The following PAX5 variants were observed in gnomAD, a reference collection of about 807,000 sequenced individuals.
PAX5 encodes paired box protein Pax-5.
PAX5 carries 9 observed loss-of-function variants against 43.7 expected under a neutral mutation model. That is an observed-to-expected ratio of 0.21 (90% CI 0.12 to 0.36). PAX5 has a LOEUF of 0.36. Among genes scored for constraint, PAX5 ranks in the 10% least tolerant of loss-of-function variants. The pLI is 1.00. For synonymous variants in PAX5, 228 were observed against 214.3 expected, an observed-to-expected ratio of 1.06 and a Z score of -0.56; for missense variants, 383 against 532.7, an observed-to-expected ratio of 0.72 and a Z score of 2.77.
At chr9:36,857,508 C>G (rs1823792434) in intron 8 of PAX5, among the ~76,000 whole-genome samples, 1 of 152,164 alleles carries the variant, frequency 6.6e-6, no homozygotes, top group African/African-American at 2.4e-5. Context: ...CGGGTGCCAG[C>G]AAAAGGCAAG....
At chr9:36,938,961 G>A (rs965627354) in intron 6 of PAX5, among the ~76,000 whole-genome samples, 6 of 152,144 alleles carry the variant, frequency 3.9e-5, no homozygotes, top group South Asian at 2.1e-4. Flanking sequence ...AGAAGGAAGC[G>A]GATGATCCAT....
chr9:36,942,318 G>C (rs986775176), intron 6 of PAX5, among the ~76,000 whole-genome samples: 2 of 152,240 alleles, frequency 1.3e-5, no homozygotes, highest in African/African-American at 4.8e-5. Context: ...CAGAGCCCAG[G>C]TCTCAGGAAA....
intron 3 of PAX5, among the ~76,000 whole-genome samples, chr9:37,012,758 G>A (rs1839056147): frequency 6.6e-6 from 1 of 152,178 alleles, no homozygotes; most frequent in South Asian, 2.1e-4. Flanking sequence ...AGGTGGGAGT[G>A]TTGAGGGGGA....
At chr9:36,924,671 G>A (rs1052222181) in intron 6 of PAX5, among the ~76,000 whole-genome samples, 10 of 147,622 alleles carry the variant, frequency 6.8e-5, no homozygotes, top group Admixed American at 2.1e-4. Flanking sequence ...AGTGAGCCAT[G>A]ATCATGCCAC....
rs1358188296 is a variant in PAX5 at position 36,836,955 on chromosome 9, T to C, written c.*3605A>G. The stretch of plus-strand genomic sequence containing the variant: ...CTGGATGAAACCTCAGAAGCACTGT[T>C]GTGGATTTGGTCAAAGACTCCGCAG... On this transcript the variant is annotated 3_prime_UTR_variant, in exon 10 of 10. Transcript: ENST00000358127. The C allele has an allele frequency of 8.6e-6, 2 of 232,378 alleles. No homozygotes were observed. The highest frequency in any genetic ancestry group is 1.7e-5 in the Non-Finnish European group (2 of 117,578). 14.4% of individuals were successfully genotyped at this position (232,378 alleles called of 1,614,324 possible). A position where few individuals can be genotyped will look rare whatever the true frequency, so the allele number is the denominator to read the frequency against.
intron 6 of PAX5, among the ~76,000 whole-genome samples, chr9:36,928,219 A>G (rs1017757996): frequency 6.6e-6 from 1 of 151,910 alleles, no homozygotes; most frequent in Non-Finnish European, 1.5e-5. Flanking sequence ...ATTCTCCCCA[A>G]TCTCTTGGGT....
rs368248328 is a variant in PAX5 at position 36,837,008 on chromosome 9, G to A, written c.*3552C>T. The A allele has an allele frequency of 1.9e-4, 44 of 232,620 alleles. No individual in the cohort carries two copies. The highest frequency in any genetic ancestry group is 1.3e-3 in the Middle Eastern group (1 of 788). 14.4% of individuals were successfully genotyped at this position (232,620 alleles called of 1,614,324 possible). ...TTCAATGTTCTTAGGAAACAAAGCC[G>A]CCAACCTGCAGGCCCCTAGGTCAGG... On this transcript the variant is annotated 3_prime_UTR_variant, in exon 10 of 10. Transcript: ENST00000358127.
chr9:36,951,832 C>T (rs912997425), intron 6 of PAX5, among the ~76,000 whole-genome samples: 1 of 152,172 alleles, frequency 6.6e-6, no homozygotes, highest in African/African-American at 2.4e-5. Flanking sequence ...CTGGTTTGCA[C>T]ATTATGCATT....
chr9:36,874,766 G>A (rs1825773111), intron 8 of PAX5, among the ~76,000 whole-genome samples: 1 of 152,166 alleles, frequency 6.6e-6, no homozygotes, highest in Admixed American at 6.5e-5. Context: ...GGCTCCAGGA[G>A]GTATGAGCTC....
chr9:36,907,713 CAG>C (rs944014911), intron 7 of PAX5, among the ~76,000 whole-genome samples: 9 of 152,146 alleles, frequency 5.9e-5, no homozygotes, highest in African/African-American at 2.2e-4. Flanking sequence ...AACAACAATG[CAG>C]AGAGTTTGAA....
In PAX5 at chr9:36,950,569, C is replaced by T. The variant is rs553949472; in HGVS notation, c.780+15980G>A. On this transcript the variant is annotated intron_variant, in intron 6 of 9. Transcript: ENST00000358127. ...CAGCCCAATCCACATTTAGGCAGCT[C>T]GCCTGCTTGGAAGGTTTCCTTCAAC... 5.9e-5 allele frequency among the ~76,000 whole-genome samples: 9 copies of T among 152,208 alleles called. No homozygotes were observed. In the South Asian group the frequency reaches 1.9e-3, roughly 32 times the overall value.
At chr9:37,006,249 G>A (rs1490102523) in intron 4 of PAX5, among the ~76,000 whole-genome samples, 1 of 151,998 alleles carries the variant, frequency 6.6e-6, no homozygotes, top group Non-Finnish European at 1.5e-5. Flanking sequence ...CTGTCTCATG[G>A]TGAAAGCTAT....
intron 6 of PAX5, among the ~76,000 whole-genome samples, chr9:36,940,487 C>T (rs780174362): frequency 4.6e-5 from 7 of 152,120 alleles, no homozygotes; most frequent in South Asian, 4.1e-4. Context: ...AGACGTGTGG[C>T]GCAGTGAGGC....
intron 7 of PAX5, among the ~76,000 whole-genome samples, chr9:36,904,105 G>T (rs1472649049): frequency 6.6e-6 from 1 of 152,206 alleles, no homozygotes; most frequent in Non-Finnish European, 1.5e-5. Context: ...ACAAAGGGTT[G>T]TTATGCAGAT....
At chr9:36,955,663 T>C (rs1833379334) in intron 6 of PAX5, among the ~76,000 whole-genome samples, 1 of 151,910 alleles carries the variant, frequency 6.6e-6, no homozygotes, top group African/African-American at 2.4e-5. Flanking sequence ...GAGACTATAT[T>C]GAGAACCCAT....
chr9:36,884,420 T>C (rs888289891), intron 7 of PAX5, among the ~76,000 whole-genome samples: 16 of 152,208 alleles, frequency 1.1e-4, no homozygotes, highest in Admixed American at 3.3e-4. Context: ...AGAAAAGGCA[T>C]TGGCTAAAAT....
intron 3 of PAX5, among the ~76,000 whole-genome samples, chr9:37,013,526 C>T (rs904658590): frequency 2.0e-5 from 3 of 152,128 alleles, no homozygotes; most frequent in Non-Finnish European, 2.9e-5. Context: ...TGTTTTGTGT[C>T]GTGGAAATCC....
intron 8 of PAX5, among the ~76,000 whole-genome samples, chr9:36,849,091 G>T (rs1388924372): frequency 6.6e-6 from 1 of 152,204 alleles, no homozygotes; most frequent in Non-Finnish European, 1.5e-5. Context: ...TGCAGCACTG[G>T]CTTTGCCCTG....
chr9:36,911,858 C>A (rs1044087523), intron 7 of PAX5, among the ~76,000 whole-genome samples: 24 of 152,246 alleles, frequency 1.6e-4, no homozygotes, highest in African/African-American at 5.3e-4. Context: ...AGGGTCTCCA[C>A]CACGCAGCCG....
Sources: gnomAD v4.1 joint callset for allele counts (sites outside exome capture counted in the v4.1 genomes callset) on GRCh38, gnomAD v4.1.1 for gene constraint, MANE v1.5 for transcripts, NCBI Gene and HGNC (gene_info 2026-07-23, HGNC 2026-07-21) for gene names.